Variants in FOXN2 observed in about 807,000 individuals in gnomAD.
The protein encoded by FOXN2 is forkhead box N2.
A neutral mutation model predicts 41.2 loss-of-function variants in FOXN2; 19 were observed. The observed-to-expected ratio is 0.46, with a 90% CI of 0.32 to 0.68. The LOEUF is 0.68. Among genes scored for constraint, FOXN2 ranks in the 30% least tolerant of loss-of-function variants. The pLI is 0.03. For synonymous variants in FOXN2, 195 were observed against 176.8 expected (o/e 1.10, Z -0.82); for missense variants, 587 against 509.4 (o/e 1.15, Z -1.47).
chr2:48,371,054 C>G (rs564579487), intron 5 of FOXN2, among the ~76,000 whole-genome samples: 2 of 152,042 alleles, frequency 1.3e-5, no homozygotes, highest in African/African-American at 2.4e-5. Context: ...ATTGAAGAAA[C>G]TGTCTTTCCC....
At chr2:48,324,472 A>T (rs1669536947) in intron 1 of FOXN2, among the ~76,000 whole-genome samples, 1 of 152,148 alleles carries the variant, frequency 6.6e-6, no homozygotes, top group African/African-American at 2.4e-5. Context: ...TGGACCAGTA[A>T]ATATTTTAAT....
chr2:48,356,033 G>A (rs985631713), intron 3 of FOXN2, among the ~76,000 whole-genome samples: 4 of 152,100 alleles, frequency 2.6e-5, no homozygotes, highest in South Asian at 2.1e-4. Context: ...GTTGAGACAC[G>A]ACAATCACTT....
At chr2:48,360,499 A>G (rs1438240360) in intron 4 of FOXN2, among the ~76,000 whole-genome samples, 1 of 152,184 alleles carries the variant, frequency 6.6e-6, no homozygotes, top group African/African-American at 2.4e-5. Flanking sequence ...GGAATACAGT[A>G]AATAGCTGGG....
At position 48,336,112 on chromosome 2, in the gene FOXN2, T is replaced by A. The variant is rs375478894; in HGVS notation, c.-15+7410T>A. ...TGATTGGAGCTAGCATTTAAAGGAC[T>A]TTTTATTGTTGCTTGGCACGGTGGC... is the stretch of plus-strand genomic sequence containing the variant. On this transcript the variant is annotated intron_variant, in intron 2 of 6. Transcript: ENST00000340553. Among the ~76,000 whole-genome samples, 5 of 147,150 alleles carry A rather than the reference T, an allele frequency of 3.4e-5. No homozygotes were observed. The East Asian group carries it at 6.4e-4, about 19-fold the overall frequency.
Position 48,377,282 on chromosome 2 carries a change from A to T in FOXN2, c.*1839A>T, listed in dbSNP as rs1324814519. ...TAAACCAAGTTAACTTTTATTATAG[A>T]CAGTGAATAAAACACCAAAAACCCA... On this transcript the variant is annotated 3_prime_UTR_variant, in exon 7 of 7. Coordinates refer to ENST00000340553, the MANE Select transcript of FOXN2 (RefSeq NM_002158.4). The T allele has an allele frequency of 2.0e-5, 3 of 152,014 alleles. No homozygotes were observed. The highest frequency in any genetic ancestry group is 4.4e-5 in the Non-Finnish European group (3 of 67,880). The allele number at this position is 152,014 out of a possible 1,614,324, so 9.4% of individuals were successfully genotyped here. A position where few individuals can be genotyped will look rare whatever the true frequency, so the allele number is the denominator to read the frequency against.
intron 3 of FOXN2, among the ~76,000 whole-genome samples, chr2:48,347,181 G>A (rs1003034545): frequency 2.0e-5 from 3 of 149,252 alleles, no homozygotes; most frequent in Non-Finnish European, 4.5e-5. Flanking sequence ...CCTTTTGTGG[G>A]ATGAGGTGTT....
At chr2:48,338,884 A>G (rs968056850) in intron 2 of FOXN2, among the ~76,000 whole-genome samples, 2 of 152,182 alleles carry the variant, frequency 1.3e-5, no homozygotes, top group Non-Finnish European at 2.9e-5. Context: ...AAGTAAAGAA[A>G]TTTCTTACTA....
chr2:48,321,608 A>G (rs962243165), intron 1 of FOXN2, among the ~76,000 whole-genome samples: 7 of 152,138 alleles, frequency 4.6e-5, no homozygotes, highest in African/African-American at 1.4e-4. Context: ...AGTACATTTT[A>G]TGTGGTAAGG....
chr2:48,355,243 G>A (rs991356482), intron 3 of FOXN2, among the ~76,000 whole-genome samples: 1 of 152,140 alleles, frequency 6.6e-6, no homozygotes, highest in East Asian at 1.9e-4. Context: ...TAATTAATCT[G>A]AGTGTTTTGA....
In FOXN2 at chr2:48,320,683, A is replaced by G. The variant is rs189596926; in HGVS notation, c.-157+5869A>G. Reference sequence around the variant, plus strand: ...AAATGTAATACTGGGTATTTACCCAAATCTCTCAGACTTGAAAAAAATCAT... The same window carrying G: ...AAATGTAATACTGGGTATTTACCCAGATCTCTCAGACTTGAAAAAAATCAT... On this transcript the variant is annotated intron_variant, in intron 1 of 6. Coordinates refer to ENST00000340553, the MANE Select transcript of FOXN2 (RefSeq NM_002158.4). Among the ~76,000 whole-genome samples the G allele has an allele frequency of 2.5e-3, 385 of 152,318 alleles. 1 individual carries two copies. The highest frequency in any genetic ancestry group is 0.02 in the Admixed American group (309 of 15,296).
At chr2:48,320,304 A>T (rs11684582) in intron 1 of FOXN2, among the ~76,000 whole-genome samples, 67,358 of 149,786 alleles carry the variant, frequency 0.45, 15,149 homozygotes, top group East Asian at 0.52. Context: ...TTTTTTTTTT[A>T]TTTTGAGATG....
chr2:48,332,508 C>G (rs1670079159), intron 2 of FOXN2, among the ~76,000 whole-genome samples: 2 of 152,134 alleles, frequency 1.3e-5, no homozygotes, highest in Admixed American at 6.5e-5. Context: ...TCCAAGAAGT[C>G]CTGATCTCAT....
At chr2:48,321,317 C>G (rs1178041090) in intron 1 of FOXN2, among the ~76,000 whole-genome samples, 1 of 152,072 alleles carries the variant, frequency 6.6e-6, no homozygotes, top group Non-Finnish European at 1.5e-5. Flanking sequence ...GGGCGGATCA[C>G]GAGGTCAGGA....
At chr2:48,372,999 A>G (rs530385242) in intron 5 of FOXN2, among the ~76,000 whole-genome samples, 1 of 151,978 alleles carries the variant, frequency 6.6e-6, no homozygotes, top group African/African-American at 2.4e-5. Context: ...ACTGAAATAC[A>G]GTTTAAGTTT....
chr2:48,334,914 G>A (rs185346562), intron 2 of FOXN2, among the ~76,000 whole-genome samples: 1 of 152,218 alleles, frequency 6.6e-6, no homozygotes, highest in East Asian at 1.9e-4. Flanking sequence ...CTGAAAATGT[G>A]CTACCACAAA....
intron 2 of FOXN2, among the ~76,000 whole-genome samples, chr2:48,335,354 G>A (rs930526104): frequency 1.3e-5 from 2 of 152,120 alleles, no homozygotes; most frequent in African/African-American, 4.8e-5. Context: ...TTAGCATAAT[G>A]AAAGGTAAAT....
At chr2:48,363,536 A>G (rs1255732213) in intron 5 of FOXN2, among the ~76,000 whole-genome samples, 1 of 152,208 alleles carries the variant, frequency 6.6e-6, no homozygotes, top group Non-Finnish European at 1.5e-5. Flanking sequence ...ACATTCACTC[A>G]CCACTAACAC....
At chr2:48,372,947 T>C (rs1329969967) in intron 5 of FOXN2, among the ~76,000 whole-genome samples, 1 of 149,838 alleles carries the variant, frequency 6.7e-6, no homozygotes, top group African/African-American at 2.5e-5. Flanking sequence ...GGAGTAACGA[T>C]GTACATTCTT....
intron 3 of FOXN2, among the ~76,000 whole-genome samples, chr2:48,349,444 C>T (rs919348222): frequency 6.6e-6 from 1 of 152,084 alleles, no homozygotes; most frequent in Non-Finnish European, 1.5e-5. Flanking sequence ...TGCCAGTGCA[C>T]TCCAGTCTGG....
Sources: gnomAD v4.1 joint callset for allele counts (sites outside exome capture counted in the v4.1 genomes callset) on GRCh38, gnomAD v4.1.1 for gene constraint, MANE v1.5 for transcripts, NCBI Gene and HGNC (gene_info 2026-07-23, HGNC 2026-07-21) for gene names.